The following USP45 variants were observed in gnomAD, a reference collection of about 807,000 sequenced individuals.
USP45 encodes ubiquitin specific peptidase 45.
Under a neutral mutation model 95.8 loss-of-function variants are expected in USP45, and 89 were observed. The ratio of observed to expected loss-of-function variants is 0.93; its 90% confidence interval spans 0.78 to 1.11. USP45 has a LOEUF of 1.11. USP45 is among the 50% of genes least tolerant of loss of function. USP45 has a pLI of 0.00. For synonymous variants in USP45, 281 were observed against 316.2 expected, an observed-to-expected ratio of 0.89 and a Z score of 1.18; for missense variants, 898 against 942.5, an observed-to-expected ratio of 0.95 and a Z score of 0.62.
chr6:99,506,539 C>A (rs1027338903), intron 4 of USP45, among the ~76,000 whole-genome samples: 6 of 152,166 alleles, frequency 3.9e-5, no homozygotes, highest in African/African-American at 1.4e-4. Context: ...AAACTGCTGA[C>A]CTCAAGTGAT....
intron 8 of USP45, among the ~76,000 whole-genome samples, chr6:99,480,261 A>T (rs1007907172): frequency 6.6e-6 from 1 of 152,192 alleles, no homozygotes; most frequent in African/African-American, 2.4e-5. Flanking sequence ...AAGACCTAGA[A>T]AACTGGTAAG....
intron 2 of USP45, among the ~76,000 whole-genome samples, chr6:99,509,439 T>A (rs1417696051): frequency 6.6e-6 from 1 of 152,158 alleles, no homozygotes; most frequent in Non-Finnish European, 1.5e-5. Context: ...TGTATGCAAC[T>A]ATGCATACCT....
At chr6:99,461,210 T>C (rs1335192113) in intron 13 of USP45, 2 of 985,316 alleles carry the variant, frequency 2.0e-6, no homozygotes, top group African/African-American at 1.7e-5. Context: ...GGCAGGATTT[T>C]ATATAAGGAT....
At chr6:99,448,232 C>G (rs1782984975) in intron 13 of USP45, among the ~76,000 whole-genome samples, 1 of 152,176 alleles carries the variant, frequency 6.6e-6, no homozygotes, top group African/African-American at 2.4e-5. Context: ...TTCAGATGAT[C>G]AAACTTCTCC....
chr6:99,458,698 T>C (rs1189784598), intron 13 of USP45, among the ~76,000 whole-genome samples: 1 of 152,208 alleles, frequency 6.6e-6, no homozygotes, highest in Non-Finnish European at 1.5e-5. Flanking sequence ...ACTTATGTTA[T>C]GATAGGAGAA....
At chr6:99,508,443 C>A (rs572685899) in intron 3 of USP45, among the ~76,000 whole-genome samples, 167 bp downstream of exon 3, 1 of 152,258 alleles carries the variant, frequency 6.6e-6, no homozygotes, top group African/African-American at 2.4e-5. Flanking sequence ...CATAGCATAC[C>A]TTTTACTTTA....
chr6:99,447,001 C>G (rs1005221099), intron 13 of USP45, among the ~76,000 whole-genome samples: 3 of 152,184 alleles, frequency 2.0e-5, no homozygotes, highest in African/African-American at 7.2e-5. Flanking sequence ...ACCTTGGCTT[C>G]CCAAAGGAGA....
chr6:99,437,056 G>A lies in USP45; in HGVS notation c.2314+190C>T, dbSNP rs916522611. 1.1e-4 allele frequency among the ~76,000 whole-genome samples: 16 copies of A among 152,212 alleles called. No homozygotes were observed. The East Asian group carries it at 2.3e-3, about 22-fold the overall frequency. The stretch of plus-strand genomic sequence containing the variant: ...ACAGAGGTTGCAGTGAGCCAAGATC[G>A]TGCCACTGCACTCCAGCTTGGATGA... On this transcript the variant is annotated intron_variant, in intron 17 of 17. Transcript: ENST00000500704.
At chr6:99,517,172 T>A (rs760786644), upstream of USP45, among the ~76,000 whole-genome samples, 2 of 151,996 alleles carry the variant, frequency 1.3e-5, no homozygotes, top group African/African-American at 2.4e-5. Context: ...AATGTAAAAT[T>A]TACTACTTGA....
At position 99,482,681 on chromosome 6, in the gene USP45, T is replaced by C. The variant is rs769417129; in HGVS notation, c.845+72A>G. 4 of 1,407,474 alleles carry C rather than the reference T, an allele frequency of 2.8e-6. No individual in the cohort carries two copies. The African/African-American group carries it at 4.4e-5, about 15-fold the overall frequency. 87.2% of individuals were successfully genotyped at this position (1,407,474 alleles called of 1,614,324 possible). A position where few individuals can be genotyped will look rare whatever the true frequency, so the allele number is the denominator to read the frequency against. Reference sequence around the variant, plus strand: ...AGCAAAGTTACAGTAAAAACGACTATTCATGTTAAATGATGAATACATTAG... The same window carrying C: ...AGCAAAGTTACAGTAAAAACGACTACTCATGTTAAATGATGAATACATTAG... On this transcript the variant is annotated intron_variant, in intron 8 of 17. Transcript: ENST00000500704.
chr6:99,457,597 G>A (rs1413961366), intron 13 of USP45, among the ~76,000 whole-genome samples: 1 of 152,062 alleles, frequency 6.6e-6, no homozygotes, highest in African/African-American at 2.4e-5. Context: ...AATGGTCAAT[G>A]GAAAATATAG....
rs1794499879 is a variant in USP45 at position 99,488,530 on chromosome 6, T to G, written c.618+151A>C. The G allele has an allele frequency of 3.6e-6, 3 of 840,694 alleles. No individual in the cohort carries two copies. In the South Asian group the frequency reaches 5.5e-5, roughly 16 times the overall value. 52.1% of individuals were successfully genotyped at this position (840,694 alleles called of 1,614,324 possible). A position where few individuals can be genotyped will look rare whatever the true frequency, so the allele number is the denominator to read the frequency against. ...TGAAAATAAGGTACATGTATACATA[T>G]GGTGATGGCCCAAGATAGCGTAAAC... On this transcript the variant is annotated intron_variant, in intron 6 of 17. Coordinates refer to ENST00000500704, the MANE Select transcript of USP45 (RefSeq NM_001346022.3).
chr6:99,450,841 C>G (rs1390480039), intron 13 of USP45, among the ~76,000 whole-genome samples: 1 of 152,190 alleles, frequency 6.6e-6, no homozygotes, highest in Non-Finnish European at 1.5e-5. Context: ...CCACCATGAT[C>G]AAGTGGGCTT....
intron 5 of USP45, chr6:99,501,820 C>A: frequency 1.1e-6 from 1 of 924,042 alleles, no homozygotes; most frequent in South Asian, 2.0e-5. Flanking sequence ...AATAAAGGAT[C>A]TGGCTGGCTT....
At chr6:99,436,296 A>G (rs1766679713) in intron 17 of USP45, among the ~76,000 whole-genome samples, 1 of 152,272 alleles carries the variant, frequency 6.6e-6, no homozygotes, top group East Asian at 1.9e-4. Flanking sequence ...TCATGCCTGT[A>G]ATCTCAGCAC....
chr6:99,456,373 C>T (rs919672471), intron 13 of USP45, among the ~76,000 whole-genome samples: 1 of 152,054 alleles, frequency 6.6e-6, no homozygotes, highest in Non-Finnish European at 1.5e-5. Flanking sequence ...CTGAAATGTT[C>T]TCAATGCAAA....
chr6:99,439,442 G>A (rs1326329634), intron 16 of USP45, among the ~76,000 whole-genome samples: 4 of 152,162 alleles, frequency 2.6e-5, no homozygotes, highest in African/African-American at 7.2e-5. Flanking sequence ...AACTACTACT[G>A]ATTAAACAGT....
At position 99,458,943 on chromosome 6, in the gene USP45, A is replaced by G. The variant is rs189007709; in HGVS notation, c.1308+5661T>C. 2.2e-4 allele frequency among the ~76,000 whole-genome samples: 34 copies of G among 152,348 alleles called. No homozygotes were observed. The East Asian group carries it at 6.4e-3, about 29-fold the overall frequency. On this transcript the variant is annotated intron_variant, in intron 13 of 17. Coordinates refer to ENST00000500704, the MANE Select transcript of USP45 (RefSeq NM_001346022.3). ...ACACACAAAAATTAACCAGATGCAT[A>G]TAAGTCACAGACTTGTTTTTGTTTT... is the stretch of plus-strand genomic sequence containing the variant.
At chr6:99,480,987 T>C (rs1467818790) in intron 8 of USP45, among the ~76,000 whole-genome samples, 1 of 152,176 alleles carries the variant, frequency 6.6e-6, no homozygotes, top group Non-Finnish European at 1.5e-5. Flanking sequence ...ATGCCTGTAA[T>C]CCCAGCTACT....
Sources: gnomAD v4.1 joint callset for allele counts (sites outside exome capture counted in the v4.1 genomes callset) on GRCh38, gnomAD v4.1.1 for gene constraint, MANE v1.5 for transcripts, NCBI Gene and HGNC (gene_info 2026-07-23, HGNC 2026-07-21) for gene names.